Variants in ZNF26 observed in about 807,000 individuals in gnomAD.
ZNF26 encodes zinc finger protein 26, also known as epididymis luminal protein 179.
Under a neutral mutation model 54.9 loss-of-function variants are expected in ZNF26, and 32 were observed. That is an observed-to-expected ratio of 0.58 (90% CI 0.44 to 0.78). ZNF26 has a LOEUF of 0.78. Among genes scored for constraint, ZNF26 ranks in the 30% least tolerant of loss-of-function variants. ZNF26 has a pLI of 0.00. For missense variants in ZNF26, 524 were observed against 634.0 expected (o/e 0.83, Z 1.86); for synonymous variants, 221 against 209.2 (o/e 1.06, Z -0.49).
chr12:133,007,617 C>G (rs995110059), intron 3 of ZNF26, 85 bp downstream of exon 3: 114 of 949,378 alleles, frequency 1.2e-4, no homozygotes, highest in Non-Finnish European at 1.7e-4. Context: ...GTGTTGTCTT[C>G]AGAAATGCTT....
intron 3 of ZNF26, among the ~76,000 whole-genome samples, chr12:133,008,926 A>G (rs1953404437): frequency 6.6e-6 from 1 of 152,054 alleles, no homozygotes; most frequent in Non-Finnish European, 1.5e-5. Flanking sequence ...GTGGAAGGCA[A>G]AGGGGGAGCA....
At chr12:133,006,380 T>C (rs1953327673) in intron 1 of ZNF26, 4 of 753,822 alleles carry the variant, frequency 5.3e-6, no homozygotes, top group Non-Finnish European at 6.5e-6. Flanking sequence ...CTTCTAAGAC[T>C]ACTTGAGTGG....
chr12:133,002,829 G>C (rs1441035805), intron 1 of ZNF26, among the ~76,000 whole-genome samples: 2 of 151,826 alleles, frequency 1.3e-5, no homozygotes, highest in Non-Finnish European at 2.9e-5. Flanking sequence ...TCACCATATT[G>C]GCCAGGCTGG....
At chr12:132,995,139 C>T (rs1189287745) in intron 1 of ZNF26, 1 of 152,214 alleles carries the variant, frequency 6.6e-6, no homozygotes, top group Non-Finnish European at 1.5e-5. Context: ...GAATTGAGAA[C>T]TGCATTTGCT....
chr12:133,005,692 A>C (rs1215005004), intron 1 of ZNF26: 1 of 152,108 alleles, frequency 6.6e-6, no homozygotes, highest in Admixed American at 6.6e-5. Context: ...CTATGATGGG[A>C]TTAGTAGCCT....
At position 133,007,340 on chromosome 12, in the gene ZNF26, C is replaced by T. The variant is rs1475400523; in HGVS notation, c.161-97C>T. On this transcript the variant is annotated intron_variant, in intron 2 of 3. Transcript: ENST00000328654. ...CCCACACTTCCTAATTGTAATCTTTCCCCAAGTGAGATGAGCAGTTTTGCT... is the reference window on the plus strand; with the variant it reads ...CCCACACTTCCTAATTGTAATCTTTTCCCAAGTGAGATGAGCAGTTTTGCT... The T allele has an allele frequency of 2.3e-6, 3 of 1,321,764 alleles. No homozygotes were observed. In the African/African-American group the frequency reaches 4.4e-5, roughly 19 times the overall value. 81.9% of individuals were successfully genotyped at this position (1,321,764 alleles called of 1,614,324 possible). A position where few individuals can be genotyped will look rare whatever the true frequency, so the allele number is the denominator to read the frequency against.
intron 1 of ZNF26, among the ~76,000 whole-genome samples, chr12:132,991,639 A>T (rs367571255): frequency 0.37 from 30,589 of 83,060 alleles, 3,956 homozygotes; most frequent in South Asian, 0.51. Flanking sequence ...ACAAAAAAAA[A>T]AAAAACCTAA....
Position 133,025,907 on chromosome 12 carries a change from A to G in ZNF26, c.*14426A>G, listed in dbSNP as rs1315532358. 6.6e-6 allele frequency: 1 copy of G among 152,318 alleles called. No homozygotes were observed. Among genetic ancestry groups the G allele is most frequent in the Non-Finnish European group, 1.5e-5 (1 of 68,136 alleles). 9.4% of individuals were successfully genotyped at this position (152,318 alleles called of 1,614,324 possible). On this transcript the variant is annotated 3_prime_UTR_variant, in exon 4 of 4. Transcript: ENST00000328654. ...TCTTGAACCATTCAGCAGCCATATA[A>G]GCAGTCCAATGGCCCTGAGCTGCCC...
intron 1 of ZNF26, among the ~76,000 whole-genome samples, chr12:132,998,577 C>G (rs1310296712): frequency 3.9e-5 from 6 of 152,328 alleles, no homozygotes; most frequent in Middle Eastern, 3.4e-3. Context: ...GTATGAATTC[C>G]TGTCTTCTCG....
intron 1 of ZNF26, 137 bp downstream of exon 1, chr12:132,987,010 C>G: frequency 1.0e-6 from 1 of 1,004,546 alleles, no homozygotes; most frequent in Non-Finnish European, 1.5e-6. Flanking sequence ...ACCCTCCCCA[C>G]CAAACCAAAG....
chr12:132,999,370 C>G (rs1421740132), intron 1 of ZNF26, among the ~76,000 whole-genome samples: 3 of 152,134 alleles, frequency 2.0e-5, no homozygotes, highest in African/African-American at 7.2e-5. Context: ...ATTCTCCTGC[C>G]TCAGCCTCCT....
In ZNF26 at chr12:133,018,108, G is replaced by C. The variant is rs1490641396; in HGVS notation, c.*6627G>C. On this transcript the variant is annotated 3_prime_UTR_variant, in exon 4 of 4. Transcript: ENST00000328654. ...ATATGTCTACCAATAACACCACAAA[G>C]GAGGAGGATGGGAGAAGAGTCGTGT... 6.6e-6 allele frequency: 1 copy of C among 152,210 alleles called. No homozygotes were observed. The highest frequency in any genetic ancestry group is 1.5e-5 in the Non-Finnish European group (1 of 68,044). The allele number at this position is 152,210 out of a possible 1,614,324, so 9.4% of individuals were successfully genotyped here.
Position 133,020,710 on chromosome 12 carries a change from A to AT in ZNF26, c.*9231dup, listed in dbSNP as rs146537443. On this transcript the variant is annotated 3_prime_UTR_variant, in exon 4 of 4. Coordinates refer to ENST00000328654, the MANE Select transcript of ZNF26 (RefSeq NM_019591.4). ...TGGATGGCTTAAACAACACAGATATATTGTCTTACTGTTCTGGAGCCTCCA... is the reference window on the plus strand; with the variant it reads ...TGGATGGCTTAAACAACACAGATATATTTGTCTTACTGTTCTGGAGCCTCCA... 25 of 152,254 alleles carry AT rather than the reference A, an allele frequency of 1.6e-4. No homozygotes were observed. In the East Asian group the frequency reaches 4.8e-3, roughly 29 times the overall value. 9.4% of individuals were successfully genotyped at this position (152,254 alleles called of 1,614,324 possible). A position where few individuals can be genotyped will look rare whatever the true frequency, so the allele number is the denominator to read the frequency against.
intron 1 of ZNF26, among the ~76,000 whole-genome samples, chr12:132,988,530 A>G (rs756827090): frequency 6.6e-6 from 1 of 152,012 alleles, no homozygotes; most frequent in Non-Finnish European, 1.5e-5. Context: ...AACAGGTGTG[A>G]GCCACCATGC....
chr12:133,011,530 A>G lies in ZNF26; in HGVS notation c.*49A>G. 2 of 1,500,624 alleles carry G rather than the reference A, an allele frequency of 1.3e-6. No individual in the cohort carries two copies. The highest frequency in any genetic ancestry group is 1.8e-6 in the Non-Finnish European group (2 of 1,127,644). The allele number at this position is 1,500,624 out of a possible 1,614,324, so 93.0% of individuals were successfully genotyped here. ...GAAACTGATGTTCAGGAGACTTCGG[A>G]TAATATAGACAGGATTTACAAGCAG... On this transcript the variant is annotated 3_prime_UTR_variant, in exon 4 of 4. Transcript: ENST00000328654.
At position 133,016,429 on chromosome 12, in the gene ZNF26, AT is replaced by A. The variant is rs1953567853; in HGVS notation, c.*4952del. ...CTACTTTTTTTTTTTTTTTTTAACT[AT>A]TTTAAGAGCATCACAGTAAAAGGAA... On this transcript the variant is annotated 3_prime_UTR_variant, in exon 4 of 4. Transcript: ENST00000328654. 2 of 110,048 alleles carry A rather than the reference AT, an allele frequency of 1.8e-5. No homozygotes were observed. The highest frequency in any genetic ancestry group is 3.8e-5 in the Non-Finnish European group (2 of 52,064). 6.8% of individuals were successfully genotyped at this position (110,048 alleles called of 1,614,324 possible).
rs1953659124 is a variant in ZNF26, at chr12:133,022,643, A to T, written c.*11162A>T. On this transcript the variant is annotated 3_prime_UTR_variant, in exon 4 of 4. Transcript: ENST00000328654. ...ATACTCTAGGTGAAACTATCTCAATACAAATTTAATTAAAACAAAATAAAT... is the reference window on the plus strand; with the variant it reads ...ATACTCTAGGTGAAACTATCTCAATTCAAATTTAATTAAAACAAAATAAAT... 1 of 151,922 alleles carries T rather than the reference A, an allele frequency of 6.6e-6. No individual in the cohort carries two copies. The highest frequency in any genetic ancestry group is 6.5e-5 in the Admixed American group (1 of 15,278). 9.4% of individuals were successfully genotyped at this position (151,922 alleles called of 1,614,324 possible).
rs928467862 is a variant in ZNF26 at position 133,013,274 on chromosome 12, A to G, written c.*1793A>G. The G allele has an allele frequency of 9.8e-5, 15 of 152,354 alleles. No homozygotes were observed. The highest frequency in any genetic ancestry group is 3.6e-4 in the African/African-American group (15 of 41,576). 9.4% of individuals were successfully genotyped at this position (152,354 alleles called of 1,614,324 possible). ...GAGTGTCAGACTTGGCAACTTTGAC[A>G]TTGCTGAAAAAGTTTCTTACAGCTG... On this transcript the variant is annotated 3_prime_UTR_variant, in exon 4 of 4. Coordinates refer to ENST00000328654, the MANE Select transcript of ZNF26 (RefSeq NM_019591.4).
At position 133,007,660 on chromosome 12, in the gene ZNF26, G is replaced by A. The variant is rs956823124; in HGVS notation, c.256+128G>A. 197 of 616,660 alleles carry A rather than the reference G, an allele frequency of 3.2e-4. No homozygotes were observed. The African/African-American group carries it at 3.4e-3, about 11-fold the overall frequency. 38.2% of individuals were successfully genotyped at this position (616,660 alleles called of 1,614,324 possible). ...TCCTTGAGCTATTGGAGCTGACTCAGGATGAAGCCAGGAGCTCCTCAGATA... is the reference window on the plus strand; with the variant it reads ...TCCTTGAGCTATTGGAGCTGACTCAAGATGAAGCCAGGAGCTCCTCAGATA... On this transcript the variant is annotated intron_variant, in intron 3 of 3. Coordinates refer to ENST00000328654, the MANE Select transcript of ZNF26 (RefSeq NM_019591.4).
Sources: gnomAD v4.1 joint callset for allele counts (sites outside exome capture counted in the v4.1 genomes callset) on GRCh38, gnomAD v4.1.1 for gene constraint, MANE v1.5 for transcripts, NCBI Gene and HGNC (gene_info 2026-07-23, HGNC 2026-07-21) for gene names.